Variants in CFAP57 observed in about 807,000 individuals in gnomAD.
The protein encoded by CFAP57 is cilia and flagella associated protein 57, also known as cilia- and flagella-associated protein 57.
In CFAP57, 116 loss-of-function variants were observed where a neutral mutation model predicts 146.8. That is an observed-to-expected ratio of 0.79 (90% CI 0.68 to 0.92). The LOEUF (loss-of-function observed/expected upper bound fraction) is 0.92, where lower values mean the gene tolerates loss of function less well. CFAP57 is among the 40% of genes least tolerant of loss of function. The pLI, the probability that CFAP57 is intolerant of heterozygous loss-of-function variation, is 0.00. For synonymous variants in CFAP57, 518 were observed against 552.8 expected (o/e 0.94, Z 0.88); for missense variants, 1,377 against 1,527.2 (o/e 0.90, Z 1.64).
At position 43,177,135 on chromosome 1, in the gene CFAP57, C is replaced by T. The variant is rs1186997569; in HGVS notation, c.157+4225C>T. 8.8e-6 allele frequency: 4 copies of T among 456,208 alleles called. No individual in the cohort carries two copies. The Admixed American group carries it at 9.4e-5, about 11-fold the overall frequency. The allele number at this position is 456,208 out of a possible 1,614,324, so 28.3% of individuals were successfully genotyped here. A position where few individuals can be genotyped will look rare whatever the true frequency, so the allele number is the denominator to read the frequency against. ...TGTTTCCTCAGGTTCATTCTGGCTG[C>T]TGTACAGAGGACAGATTTAAGGAGG... On this transcript the variant is annotated intron_variant, in intron 2 of 22. Transcript: ENST00000372492.
At chr1:43,231,632 T>A (rs1645471678) in intron 18 of CFAP57, among the ~76,000 whole-genome samples, 1 of 149,448 alleles carries the variant, frequency 6.7e-6, no homozygotes, top group African/African-American at 2.5e-5. Context: ...GGTGGGCAGA[T>A]CACTTGAGGT....
chr1:43,251,315 C>T (rs574699842), intron 22 of CFAP57, among the ~76,000 whole-genome samples: 2 of 152,186 alleles, frequency 1.3e-5, no homozygotes, highest in South Asian at 4.1e-4. Flanking sequence ...CTCTGACTGA[C>T]TAAAACGGGG....
At chr1:43,207,872 G>A (rs1343765637) in intron 10 of CFAP57, among the ~76,000 whole-genome samples, 1 of 152,214 alleles carries the variant, frequency 6.6e-6, no homozygotes, top group African/African-American at 2.4e-5. Context: ...TGACAGTATG[G>A]TGACTCTCCT....
rs1241969848 is a variant in CFAP57, at chr1:43,219,371, T to A, written c.2092-11T>A. On this transcript the variant is annotated splice_polypyrimidine_tract_variant and intron_variant, in intron 12 of 22. Transcript: ENST00000372492. ...GTCAGTGTTCTTGATCCTTCTGTCC[T>A]TCTCCCAAAGGCTCAGGTTATGTTG... 4.5e-6 allele frequency: 7 copies of A among 1,547,208 alleles called. No homozygotes were observed. The highest frequency in any genetic ancestry group is 6.1e-6 in the Non-Finnish European group (7 of 1,144,830).
In CFAP57 at chr1:43,197,700, A is replaced by G. The variant is rs547640944; in HGVS notation, c.1262+8A>G. Reference sequence around the variant, plus strand: ...TTGGAATTATGAAACAAAGTAAGGAATGAAAGGCTTGCCTACTTTATTATG... The same window carrying G: ...TTGGAATTATGAAACAAAGTAAGGAGTGAAAGGCTTGCCTACTTTATTATG... On this transcript the variant is annotated splice_region_variant and intron_variant, in intron 7 of 22. Transcript: ENST00000372492. 2.5e-6 allele frequency: 4 copies of G among 1,614,214 alleles called. No homozygotes were observed. Among genetic ancestry groups the G allele is most frequent in the Non-Finnish European group, 3.4e-6 (4 of 1,180,028 alleles).
intron 9 of CFAP57, among the ~76,000 whole-genome samples, chr1:43,204,132 G>A (rs560082070): frequency 3.9e-5 from 6 of 152,152 alleles, no homozygotes; most frequent in South Asian, 2.1e-4. Context: ...TGAATTTTTC[G>A]TTTTGGTTAT....
chr1:43,204,502 TGTTG>T (rs776754189), intron 9 of CFAP57, among the ~76,000 whole-genome samples: 9 of 152,182 alleles, frequency 5.9e-5, no homozygotes, highest in Non-Finnish European at 1.2e-4. Context: ...AGGGCATTGT[TGTTG>T]GTTGGTTGGC....
At chr1:43,213,633 T>A (rs1644719424) in intron 11 of CFAP57, among the ~76,000 whole-genome samples, 1 of 152,154 alleles carries the variant, frequency 6.6e-6, no homozygotes, top group African/African-American at 2.4e-5. Context: ...GTCTACATAC[T>A]GTTTTCCATA....
rs1314484503 is a variant in CFAP57, at chr1:43,209,802, T to C, written c.1815T>C (p.Ser605=). ...ACACCGCCATTGTCATCTCGCATTC[T>C]GGACGCATGATGTTTGTGGGCACCT... ...VTYTAIVISH[S]GRMMFVGTSV... Residue 605 remains serine, a synonymous_variant, in exon 11 of 23, where the codon TCT becomes TCC. Coordinates refer to ENST00000372492, the MANE Select transcript of CFAP57 (RefSeq NM_001378189.1). 19 of 1,614,088 alleles carry C rather than the reference T, an allele frequency of 1.2e-5. No individual in the cohort carries two copies. Among genetic ancestry groups the C allele is most frequent in the Admixed American group, 8.3e-5 (5 of 60,014 alleles).
intron 11 of CFAP57, among the ~76,000 whole-genome samples, 176 bp from the exon 12 acceptor site, chr1:43,215,079 T>C (rs1644781883): frequency 6.6e-6 from 1 of 152,224 alleles, no homozygotes; most frequent in South Asian, 2.1e-4. Context: ...TTACTTCTTC[T>C]ATTCATTAAC....
rs552638429 is a variant in CFAP57 at position 43,182,840 on chromosome 1, G to C, written c.475-751G>C. 1.2e-4 allele frequency among the ~76,000 whole-genome samples: 18 copies of C among 152,326 alleles called. No homozygotes were observed. In the East Asian group the frequency reaches 3.5e-3, roughly 29 times the overall value. On this transcript the variant is annotated intron_variant, in intron 3 of 22. Transcript: ENST00000372492. ...AGCCCCTCAAGTTGCTCACTATATA[G>C]TCAGGACAGCAGGTTGACTGCCTAT...
At chr1:43,239,707 T>C (rs796225627) in intron 21 of CFAP57, among the ~76,000 whole-genome samples, 6 of 152,326 alleles carry the variant, frequency 3.9e-5, no homozygotes, top group African/African-American at 1.4e-4. Context: ...ATGATTGTTA[T>C]TGAGTTATTT....
intron 4 of CFAP57, chr1:43,184,851 G>T: frequency 2.8e-6 from 1 of 359,362 alleles, no homozygotes; most frequent in African/African-American, 2.3e-5. Context: ...CTGGGGTCCA[G>T]GCCTCCCAGA....
rs613469 is a variant in CFAP57 at position 43,183,976 on chromosome 1, G to A, written c.761+99G>A. The stretch of plus-strand genomic sequence containing the variant: ...AGAAACCACTCATAACCCCTCTACC[G>A]TAAAAGTCAACTATGCCCATTTTCC... On this transcript the variant is annotated intron_variant, in intron 4 of 22. Coordinates refer to ENST00000372492, the MANE Select transcript of CFAP57 (RefSeq NM_001378189.1). 2,158 of 1,480,274 alleles carry A rather than the reference G, an allele frequency of 1.5e-3. 16 individuals are homozygous for A. The African/African-American group carries it at 0.02, about 14-fold the overall frequency. The allele number at this position is 1,480,274 out of a possible 1,614,324, so 91.7% of individuals were successfully genotyped here. A position where few individuals can be genotyped will look rare whatever the true frequency, so the allele number is the denominator to read the frequency against.
rs1025492803 is a variant in CFAP57, at chr1:43,241,330, G to T, written c.3406-1897G>T. 9.9e-5 allele frequency among the ~76,000 whole-genome samples: 15 copies of T among 152,256 alleles called. No individual in the cohort carries two copies. In the South Asian group the frequency reaches 2.1e-3, roughly 21 times the overall value. On this transcript the variant is annotated intron_variant, in intron 21 of 22. Coordinates refer to ENST00000372492, the MANE Select transcript of CFAP57 (RefSeq NM_001378189.1). ...AGGAGACAAACATCCAAACTATATT[G>T]TAAGGAATACTGAAATTAAGTAATA...
intron 4 of CFAP57, 125 bp from the exon 5 acceptor site, chr1:43,185,022 CTG>C: frequency 9.8e-7 from 1 of 1,019,564 alleles, no homozygotes; most frequent in Non-Finnish European, 1.5e-6. Context: ...TAGTATTTGA[CTG>C]TGGAAAAGGG....
At chr1:43,176,587 C>T (rs1645179998) in intron 2 of CFAP57, among the ~76,000 whole-genome samples, 1 of 152,126 alleles carries the variant, frequency 6.6e-6, no homozygotes, top group Non-Finnish European at 1.5e-5. Flanking sequence ...TATTAAGTAC[C>T]CCCTGTGTTC....
chr1:43,210,550 G>A (rs1263173519), intron 11 of CFAP57: 3 of 466,068 alleles, frequency 6.4e-6, no homozygotes, highest in African/African-American at 6.4e-5. Context: ...AGGATGTTAT[G>A]CTAAATTAAA....
intron 6 of CFAP57, among the ~76,000 whole-genome samples, chr1:43,191,510 C>T (rs7524073): frequency 0.033 from 4,870 of 149,756 alleles, 183 homozygotes; most frequent in African/African-American, 0.086. Context: ...TGGCGTGAAC[C>T]CGGGAAGCAG....
Sources: allele counts gnomAD v4.1 joint callset (sites outside exome capture counted in the v4.1 genomes callset), GRCh38; gene constraint gnomAD v4.1.1; transcripts MANE v1.5; gene names NCBI Gene and HGNC (gene_info 2026-07-23, HGNC 2026-07-21).